PPARG: variants seen among roughly 807,000 people sequenced by gnomAD.
PPARG encodes peroxisome proliferator-activated receptor gamma.
PPARG carries 17 observed loss-of-function variants against 39.2 expected under a neutral mutation model. The observed-to-expected ratio is 0.43, with a 90% CI of 0.30 to 0.65. The LOEUF (loss-of-function observed/expected upper bound fraction) is 0.65. Among genes scored for constraint, PPARG ranks in the 30% least tolerant of loss-of-function variants. The pLI, the probability that PPARG is intolerant of heterozygous loss-of-function variation, is 0.13. For missense variants in PPARG, 406 were observed against 585.9 expected (o/e 0.69, Z 3.17); for synonymous variants, 223 against 215.7 (o/e 1.03, Z -0.30).
At chr3:12,385,477 G>A (rs1241464934) in intron 4 of PPARG, among the ~76,000 whole-genome samples, 1 of 152,102 alleles carries the variant, frequency 6.6e-6, no homozygotes, top group Non-Finnish European at 1.5e-5. Flanking sequence ...AAAACCTTTA[G>A]CAACTGAAAG....
chr3:12,376,031 C>A (rs2049394451), intron 2 of PPARG, among the ~76,000 whole-genome samples: 1 of 151,746 alleles, frequency 6.6e-6, no homozygotes, highest in Non-Finnish European at 1.5e-5. Context: ...CTCACCGCAA[C>A]CTCTCTCTCC....
chr3:12,380,085 G>GT (rs1337618751), intron 3 of PPARG, among the ~76,000 whole-genome samples, 154 bp downstream of exon 3: 1 of 152,046 alleles, frequency 6.6e-6, no homozygotes, highest in African/African-American at 2.4e-5. Flanking sequence ...GAAATATTAG[G>GT]TATCTATGAA....
chr3:12,368,389 C>G (rs1013239718), intron 2 of PPARG, among the ~76,000 whole-genome samples: 3 of 151,842 alleles, frequency 2.0e-5, no homozygotes, highest in Non-Finnish European at 4.4e-5. Flanking sequence ...ACCATGTAGG[C>G]CAGGCTGGTC....
intron 2 of PPARG, among the ~76,000 whole-genome samples, chr3:12,378,407 A>C (rs1305172869): frequency 6.6e-6 from 1 of 152,184 alleles, no homozygotes; most frequent in Non-Finnish European, 1.5e-5. Flanking sequence ...AACACAGTAT[A>C]TATCTGTATA....
At chr3:12,394,514 C>T (rs1308761531) in intron 5 of PPARG, among the ~76,000 whole-genome samples, 1 of 152,140 alleles carries the variant, frequency 6.6e-6, no homozygotes, top group Non-Finnish European at 1.5e-5. Context: ...ATTTTGACTT[C>T]ATATGACAAT....
At chr3:12,301,772 A>G (rs556923974) in intron 1 of PPARG, 4 of 152,308 alleles carry the variant, frequency 2.6e-5, no homozygotes, top group African/African-American at 9.6e-5. Flanking sequence ...TAGGGCAAAG[A>G]AGTGCCCTGC....
At chr3:12,404,726 C>T (rs1227676139) in intron 5 of PPARG, among the ~76,000 whole-genome samples, 1 of 152,194 alleles carries the variant, frequency 6.6e-6, no homozygotes, top group Non-Finnish European at 1.5e-5. Context: ...ATCGCTTGAA[C>T]CCAGGAGGTG....
At chr3:12,414,066 G>A (rs1305331578) in intron 6 of PPARG, among the ~76,000 whole-genome samples, 2 of 152,168 alleles carry the variant, frequency 1.3e-5, no homozygotes, top group African/African-American at 4.8e-5. Flanking sequence ...AAGGGGAAGA[G>A]TGACAAGGGT....
chr3:12,347,371 A>G (rs896307310), intron 2 of PPARG, among the ~76,000 whole-genome samples: 1 of 152,122 alleles, frequency 6.6e-6, no homozygotes, highest in Non-Finnish European at 1.5e-5. Flanking sequence ...TACATTGAAC[A>G]TTGACCTTCC....
At chr3:12,303,433 T>G (rs1368400551) in intron 1 of PPARG, among the ~76,000 whole-genome samples, 1 of 152,136 alleles carries the variant, frequency 6.6e-6, no homozygotes, top group Non-Finnish European at 1.5e-5. Context: ...ACTCCTGACC[T>G]CAAGTGATCT....
chr3:12,329,248 G>A (rs2047783621), intron 2 of PPARG, among the ~76,000 whole-genome samples: 1 of 149,876 alleles, frequency 6.7e-6, no homozygotes, highest in South Asian at 2.1e-4. Flanking sequence ...ATCACTCATT[G>A]TCACCTCCAC....
At chr3:12,351,452 AT>A in intron 2 of PPARG, 1 of 706,968 alleles carries the variant, frequency 1.4e-6, no homozygotes. Flanking sequence ...TCTCCCAAAT[AT>A]TTGGAAACTG....
At chr3:12,394,003 C>T (rs1219967398) in intron 5 of PPARG, among the ~76,000 whole-genome samples, 1 of 152,182 alleles carries the variant, frequency 6.6e-6, no homozygotes, top group African/African-American at 2.4e-5. Flanking sequence ...CAATTGACTA[C>T]ATCTGCTGTA....
chr3:12,392,424 G>C (rs1345499644), intron 4 of PPARG, among the ~76,000 whole-genome samples, 190 bp from the exon 5 acceptor site: 1 of 152,142 alleles, frequency 6.6e-6, no homozygotes, highest in Non-Finnish European at 1.5e-5. Context: ...GAGATCCTCT[G>C]GTTCTTTATT....
intron 4 of PPARG, among the ~76,000 whole-genome samples, chr3:12,385,450 GC>G (rs1482393097): frequency 6.6e-6 from 1 of 152,082 alleles, no homozygotes; most frequent in Non-Finnish European, 1.5e-5. Flanking sequence ...TGTTAATATT[GC>G]AAACTTATGT....
At chr3:12,353,943 C>T (rs2048573761) in intron 2 of PPARG, among the ~76,000 whole-genome samples, 1 of 152,124 alleles carries the variant, frequency 6.6e-6, no homozygotes, top group Admixed American at 6.5e-5. Flanking sequence ...AATTTTAAGT[C>T]GTTGCACCAG....
At chr3:12,351,255 GT>G (rs1575039319) in intron 2 of PPARG, among the ~76,000 whole-genome samples, 1 of 152,176 alleles carries the variant, frequency 6.6e-6, no homozygotes, top group African/African-American at 2.4e-5. Context: ...ATACAGTACA[GT>G]TCACGCCCCT....
chr3:12,329,018 G>A (rs2125042447), intron 2 of PPARG, among the ~76,000 whole-genome samples: 1 of 152,250 alleles, frequency 6.6e-6, no homozygotes, highest in South Asian at 2.1e-4. Context: ...GGGGGCAATG[G>A]TGTGCTCCAG....
In PPARG at chr3:12,381,285, A is replaced by G. The variant is rs760150781; in HGVS notation, c.221-37A>G. The G allele has an allele frequency of 3.7e-6, 6 of 1,604,668 alleles. No individual in the cohort carries two copies. The Admixed American group carries it at 6.8e-5, about 18-fold the overall frequency. On this transcript the variant is annotated intron_variant, in intron 3 of 7. Coordinates refer to ENST00000651735, the MANE Select transcript of PPARG (RefSeq NM_138711.6). ...CTGTTGCCTTTTTAGGACTGTTTTC[A>G]TGGGATAATTATCCTCTCACATGTC...
Sources: allele counts gnomAD v4.1 joint callset (sites outside exome capture counted in the v4.1 genomes callset), GRCh38; gene constraint gnomAD v4.1.1; transcripts MANE v1.5; gene names NCBI Gene and HGNC (gene_info 2026-07-23, HGNC 2026-07-21).